Variants in UPRT observed in about 807,000 individuals in gnomAD.
The protein encoded by UPRT is uracil phosphoribosyltransferase homolog.
Under a neutral mutation model 22.6 loss-of-function variants are expected in UPRT, and 5 were observed. The ratio of observed to expected loss-of-function variants is 0.22; its 90% CI spans 0.12 to 0.47. UPRT has a LOEUF of 0.47. Ranked by LOEUF, UPRT falls within the 20% of genes least tolerant of loss-of-function variation. The pLI is 0.99. For missense variants in UPRT, 181 were observed against 239.9 expected, an observed-to-expected ratio of 0.75 and a Z score of 1.62; for synonymous variants, 77 against 87.7, an observed-to-expected ratio of 0.88 and a Z score of 0.68.
intron 1 of UPRT, among the ~76,000 whole-genome samples, chrX:75,285,711 A>G (rs1467589848): frequency 2.5e-4 from 28 of 110,678 alleles, no homozygotes; most frequent in Non-Finnish European, 1.9e-5. Context: ...CCTCTGTCCT[A>G]TTTTGAATGT....
chrX:75,187,463 T>G (rs1024028909), intron 4 of UPRT, among the ~76,000 whole-genome samples: 3 of 111,626 alleles, frequency 2.7e-5, no homozygotes, highest in Non-Finnish European at 5.6e-5. Flanking sequence ...ACATTTTTTC[T>G]TTCATTTCAA....
At chrX:75,238,725 G>A (rs1452417665) in intron 4 of UPRT, among the ~76,000 whole-genome samples, 2 of 111,716 alleles carry the variant, frequency 1.8e-5, no homozygotes, top group African/African-American at 6.5e-5. Context: ...CACAAGAAGT[G>A]ACTCAAGAAA....
chrX:75,200,763 T>G (rs2082345232), intron 4 of UPRT, among the ~76,000 whole-genome samples: 1 of 110,939 alleles, frequency 9.0e-6, no homozygotes, highest in Non-Finnish European at 1.9e-5. Context: ...CATAGTGAGT[T>G]CCTGTCTCTA....
chrX:75,174,859 G>T (rs2082241757), intron 4 of UPRT, among the ~76,000 whole-genome samples: 1 of 111,742 alleles, frequency 8.9e-6, no homozygotes, highest in Admixed American at 9.5e-5. Flanking sequence ...AAGGAATAGG[G>T]TACACTGTTT....
At chrX:75,168,334 T>C (rs192157106) in intron 4 of UPRT, among the ~76,000 whole-genome samples, 2 of 110,080 alleles carry the variant, frequency 1.8e-5, no homozygotes, top group Admixed American at 1.9e-4. Context: ...TAAAATAAGG[T>C]TGTAAAAAGA....
intron 4 of UPRT, among the ~76,000 whole-genome samples, chrX:75,170,721 T>A (rs1207535815): frequency 9.0e-6 from 1 of 111,568 alleles, no homozygotes; most frequent in East Asian, 2.8e-4. Flanking sequence ...TATTTCAAGG[T>A]TTTGTTTCAA....
In UPRT at chrX:75,304,464, C is replaced by T. The variant is rs2082755723; in HGVS notation, c.*953C>T. Reference sequence around the variant, plus strand: ...AAAAAACCATGCTTTTTGTAAAAACCCCTAAGATTTGTATATGTTCATCTT... The same window carrying T: ...AAAAAACCATGCTTTTTGTAAAAACTCCTAAGATTTGTATATGTTCATCTT... On this transcript the variant is annotated 3_prime_UTR_variant, in exon 7 of 7. Transcript: ENST00000373383. 1 of 111,573 alleles carries T rather than the reference C, an allele frequency of 9.0e-6. No homozygotes were observed. The highest frequency in any genetic ancestry group is 9.5e-5 in the Admixed American group (1 of 10,488). 9.2% of individuals were successfully genotyped at this position (111,573 alleles called of 1,213,427 possible).
intron 4 of UPRT, among the ~76,000 whole-genome samples, chrX:75,222,577 C>T (rs1422625234): frequency 4.5e-5 from 5 of 111,459 alleles, no homozygotes; most frequent in Non-Finnish European, 9.4e-5. Context: ...CTTTTTCCTC[C>T]CATTTTCACA....
chrX:75,208,427 G>T (rs1257308153), intron 4 of UPRT, among the ~76,000 whole-genome samples: 1 of 111,797 alleles, frequency 8.9e-6, no homozygotes, highest in Non-Finnish European at 1.9e-5. Context: ...CATATTAGTT[G>T]GATGGATGTT....
chrX:75,232,890 C>A (rs1352188728), intron 4 of UPRT, among the ~76,000 whole-genome samples: 2 of 112,188 alleles, frequency 1.8e-5, no homozygotes, highest in African/African-American at 6.5e-5. Context: ...TCTCCTCCTC[C>A]AAAGGAACGC....
chrX:75,230,647 G>A (rs1468791418), intron 4 of UPRT, among the ~76,000 whole-genome samples: 1 of 112,048 alleles, frequency 8.9e-6, no homozygotes, highest in Non-Finnish European at 1.9e-5. Flanking sequence ...TAGCATTTGT[G>A]GAAACCAGTG....
intron 4 of UPRT, among the ~76,000 whole-genome samples, chrX:75,188,023 C>T (rs868305464): frequency 8.9e-6 from 1 of 112,258 alleles, no homozygotes; most frequent in South Asian, 3.7e-4. Flanking sequence ...TCTCTCAGCT[C>T]GTCCAAGTCA....
At chrX:75,196,430 G>C (rs902425942) in intron 4 of UPRT, among the ~76,000 whole-genome samples, 8 of 112,710 alleles carry the variant, frequency 7.1e-5, no homozygotes, top group African/African-American at 2.6e-4. Context: ...AAGCTCAACT[G>C]TTATATCCCT....
chrX:75,185,926 G>A (rs1462731202), intron 4 of UPRT, among the ~76,000 whole-genome samples: 1 of 110,710 alleles, frequency 9.0e-6, no homozygotes, highest in East Asian at 2.8e-4. Flanking sequence ...TTCTTTATTA[G>A]TCTTGGTAGC....
At chrX:75,283,800 C>T (rs760109192) in intron 1 of UPRT, among the ~76,000 whole-genome samples, 12 of 111,552 alleles carry the variant, frequency 1.1e-4, no homozygotes, top group Non-Finnish European at 2.1e-4. Context: ...GATGAATTTT[C>T]CAGGCATTCT....
upstream of UPRT, among the ~76,000 whole-genome samples, chrX:75,271,081 A>T (rs1328213769): frequency 1.8e-5 from 2 of 110,138 alleles, no homozygotes; most frequent in Admixed American, 1.9e-4. Context: ...TGTGAACAGG[A>T]TCATAATGCC....
At chrX:75,265,071 C>A (rs981439901) in intron 4 of UPRT, among the ~76,000 whole-genome samples, 1 of 111,957 alleles carries the variant, frequency 8.9e-6, no homozygotes, top group Non-Finnish European at 1.9e-5. Context: ...ATGGGCTTCC[C>A]TTTGTGGGTA....
chrX:75,219,430 C>T (rs746568604), intron 4 of UPRT, among the ~76,000 whole-genome samples: 1 of 111,954 alleles, frequency 8.9e-6, no homozygotes, highest in African/African-American at 3.2e-5. Context: ...ATGTAGACAA[C>T]AAAACTCTTT....
chrX:75,278,377 C>T (rs557953387), intron 1 of UPRT, among the ~76,000 whole-genome samples: 5 of 112,302 alleles, frequency 4.5e-5, no homozygotes, highest in African/African-American at 1.6e-4. Context: ...ATAAATTTCT[C>T]TCTTTGAAAG....
Sources: gnomAD v4.1 joint callset for allele counts (sites outside exome capture counted in the v4.1 genomes callset) on GRCh38, gnomAD v4.1.1 for gene constraint, MANE v1.5 for transcripts, NCBI Gene and HGNC (gene_info 2026-07-23, HGNC 2026-07-21) for gene names.